Variants in ESRRG observed in about 807,000 individuals in gnomAD.
ESRRG encodes the protein estrogen-related receptor gamma.
Under a neutral mutation model 44.0 loss-of-function variants are expected in ESRRG, and 13 were observed. The ratio of observed to expected loss-of-function variants is 0.30; its 90% CI spans 0.19 to 0.47. The LOEUF (loss-of-function observed/expected upper bound fraction) is 0.47, where lower values mean the gene tolerates loss of function less well. ESRRG is among the 20% of genes least tolerant of loss of function. ESRRG has a pLI of 1.00. For missense variants in ESRRG, 395 were observed against 580.6 expected, an observed-to-expected ratio of 0.68 and a Z score of 3.29; for synonymous variants, 215 against 214.6, an observed-to-expected ratio of 1.00 and a Z score of -0.02.
At chr1:216,986,599 T>A (rs1438141056) in intron 1 of ESRRG, among the ~76,000 whole-genome samples, 1 of 151,840 alleles carries the variant, frequency 6.6e-6, no homozygotes, top group Non-Finnish European at 1.5e-5. Context: ...TGGCGGGGCA[T>A]GGCTGTGGTC....
chr1:217,110,172 C>G (rs1232769553), intron 1 of ESRRG, among the ~76,000 whole-genome samples: 1 of 152,212 alleles, frequency 6.6e-6, no homozygotes, highest in Admixed American at 6.5e-5. Context: ...TCACAACATC[C>G]TTTCATGCAC....
At chr1:216,811,754 A>G (rs1463729117) in intron 2 of ESRRG, among the ~76,000 whole-genome samples, 4 of 152,224 alleles carry the variant, frequency 2.6e-5, no homozygotes, top group African/African-American at 9.6e-5. Flanking sequence ...GGAACAGAGC[A>G]TTATAAGAAA....
At chr1:216,924,093 G>C (rs185706314) in intron 2 of ESRRG, among the ~76,000 whole-genome samples, 2 of 152,298 alleles carry the variant, frequency 1.3e-5, no homozygotes, top group Admixed American at 6.5e-5. Context: ...GAGTGAGCAA[G>C]TGGATCCAGA....
At chr1:216,874,936 C>T (rs184807665) in intron 2 of ESRRG, among the ~76,000 whole-genome samples, 31 of 152,270 alleles carry the variant, frequency 2.0e-4, no homozygotes, top group Non-Finnish European at 4.3e-4. Context: ...GACTCTTGGA[C>T]TTATACCAGT....
chr1:216,620,156 C>A (rs964778908), intron 3 of ESRRG, among the ~76,000 whole-genome samples: 2 of 152,118 alleles, frequency 1.3e-5, no homozygotes, highest in Non-Finnish European at 2.9e-5. Context: ...GGGTTTCAAT[C>A]CCTACTGTGT....
At chr1:216,951,501 A>G in intron 1 of ESRRG, among the ~76,000 whole-genome samples, 1 of 152,132 alleles carries the variant, frequency 6.6e-6, no homozygotes, top group Non-Finnish European at 1.5e-5. Context: ...CGGGCTTGTG[A>G]TAAGACTTCA....
At chr1:216,709,038 G>A (rs1421810187) in intron 1 of ESRRG, among the ~76,000 whole-genome samples, 1 of 151,984 alleles carries the variant, frequency 6.6e-6, no homozygotes, top group African/African-American at 2.4e-5. Context: ...ACACAGGGAG[G>A]GGAACAACAC....
intron 2 of ESRRG, among the ~76,000 whole-genome samples, chr1:216,915,603 C>T (rs2061062433): frequency 6.6e-6 from 1 of 152,032 alleles, no homozygotes; most frequent in Non-Finnish European, 1.5e-5. Context: ...AACAAACAAA[C>T]CCTGGAAATG....
rs1031197679 is a variant in ESRRG, at chr1:216,874,568, T to C, written c.-14+65014A>G. ...TTCCATACAGAGGCAATCAGTAACT[T>C]GACCTTAAAGGTAACCATTCTCTTG... On this transcript the variant is annotated intron_variant, in intron 2 of 7. Transcript: ENST00000359162. 2.6e-5 allele frequency among the ~76,000 whole-genome samples: 4 copies of C among 152,216 alleles called. 1 individual carries two copies. The highest frequency in any genetic ancestry group is 2.6e-4 in the Admixed American group (4 of 15,280).
intron 1 of ESRRG, among the ~76,000 whole-genome samples, chr1:217,048,179 T>TAGTA (rs1301455855): frequency 6.6e-6 from 1 of 152,116 alleles, no homozygotes. Flanking sequence ...GGCTTCAAGG[T>TAGTA]AGTACAGCAG....
intron 1 of ESRRG, among the ~76,000 whole-genome samples, chr1:217,020,000 T>C (rs1179239394): frequency 6.6e-6 from 1 of 152,158 alleles, no homozygotes; most frequent in Admixed American, 6.6e-5. Flanking sequence ...TAAAATGACC[T>C]GAACTCTGGT....
Position 216,504,062 on chromosome 1 carries a change from G to T in ESRRG, c.*2877C>A, listed in dbSNP as rs542242828. 1 of 152,534 alleles carries T rather than the reference G, an allele frequency of 6.6e-6. No homozygotes were observed. The highest frequency in any genetic ancestry group is 1.9e-4 in the East Asian group (1 of 5,176). 9.4% of individuals were successfully genotyped at this position (152,534 alleles called of 1,614,324 possible). A position where few individuals can be genotyped will look rare whatever the true frequency, so the allele number is the denominator to read the frequency against. Reference sequence around the variant, plus strand: ...GATACTTACTCTTTTGTAATGCTGAGAGTTACTTAAACTGAAAACTAAAAA... The same window carrying T: ...GATACTTACTCTTTTGTAATGCTGATAGTTACTTAAACTGAAAACTAAAAA... On this transcript the variant is annotated 3_prime_UTR_variant, in exon 7 of 7. Coordinates refer to ENST00000408911, the MANE Select transcript of ESRRG (RefSeq NM_001438.4).
intron 3 of ESRRG, among the ~76,000 whole-genome samples, chr1:216,636,141 A>T (rs2065248501): frequency 6.6e-6 from 1 of 152,248 alleles, no homozygotes; most frequent in African/African-American, 2.4e-5. Flanking sequence ...GCGACTTAAT[A>T]GCAACTCAGG....
At chr1:216,587,316 T>C (rs911957418) in intron 3 of ESRRG, among the ~76,000 whole-genome samples, 3 of 152,150 alleles carry the variant, frequency 2.0e-5, no homozygotes, top group Non-Finnish European at 4.4e-5. Flanking sequence ...CTCTGAACTT[T>C]AAAAAGAAGG....
At chr1:217,092,705 A>C (rs1257537605), upstream of ESRRG, among the ~76,000 whole-genome samples, 1 of 152,184 alleles carries the variant, frequency 6.6e-6, no homozygotes, top group African/African-American at 2.4e-5. Context: ...TTCCTTTCTG[A>C]ACAAATATGC....
chr1:217,081,919 G>A (rs1035992110), intron 1 of ESRRG, among the ~76,000 whole-genome samples: 2 of 152,220 alleles, frequency 1.3e-5, no homozygotes, highest in African/African-American at 4.8e-5. Flanking sequence ...GGCGATATTT[G>A]AGATAAAGAA....
At chr1:216,751,316 G>C (rs184268002) in intron 2 of ESRRG, among the ~76,000 whole-genome samples, 3 of 152,278 alleles carry the variant, frequency 2.0e-5, no homozygotes, top group Admixed American at 6.5e-5. Context: ...GCTAGTCACA[G>C]CAAAAGAGAT....
intron 1 of ESRRG, among the ~76,000 whole-genome samples, chr1:216,998,288 A>T (rs2076613763): frequency 6.6e-6 from 1 of 152,200 alleles, no homozygotes; most frequent in African/African-American, 2.4e-5. Context: ...ATGATTCTCT[A>T]CTTCTTAAAG....
chr1:217,055,818 C>T (rs981449982), intron 1 of ESRRG, among the ~76,000 whole-genome samples: 6 of 152,232 alleles, frequency 3.9e-5, no homozygotes, highest in Admixed American at 3.3e-4. Flanking sequence ...TCCACATCCA[C>T]TGTCCTCTTC....
Sources: gnomAD v4.1 joint callset for allele counts (sites outside exome capture counted in the v4.1 genomes callset) on GRCh38, gnomAD v4.1.1 for gene constraint, MANE v1.5 for transcripts, NCBI Gene and HGNC (gene_info 2026-07-23, HGNC 2026-07-21) for gene names.